GRIK4: variants seen among roughly 807,000 people sequenced by gnomAD.
The protein encoded by GRIK4 is glutamate receptor ionotropic, kainate 4.
A neutral mutation model predicts 104.9 loss-of-function variants in GRIK4; 40 were observed. That is an observed-to-expected ratio of 0.38 (90% confidence interval 0.30 to 0.50). GRIK4 has a LOEUF of 0.50. Among genes scored for constraint, GRIK4 ranks in the 20% least tolerant of loss-of-function variants. The pLI is 0.93. For missense variants in GRIK4, 1,047 were observed against 1,308.1 expected (o/e 0.80, Z 3.08); for synonymous variants, 485 against 524.9 (o/e 0.92, Z 1.04).
Position 120,518,692 on chromosome 11 carries a change from T to C in GRIK4, c.-159+6805T>C, listed in dbSNP as rs561324739. On this transcript the variant is annotated intron_variant, in intron 1 of 20. Coordinates refer to ENST00000527524, the MANE Select transcript of GRIK4 (RefSeq NM_014619.5). ...GAGTGCAATGTGCGCGACCTTGGCT[T>C]ACTGCAACCTCCGCCTCCCAGGTTC... 4.5e-4 allele frequency among the ~76,000 whole-genome samples: 68 copies of C among 152,146 alleles called. 1 individual carries two copies. The highest frequency in any genetic ancestry group is 2.4e-4 in the Non-Finnish European group (16 of 68,034).
intron 3 of GRIK4, among the ~76,000 whole-genome samples, chr11:120,723,841 A>G (rs1950976762): frequency 6.6e-6 from 1 of 152,092 alleles, no homozygotes; most frequent in Admixed American, 6.5e-5. Flanking sequence ...CATATAGTGA[A>G]ATTCACTTTT....
chr11:120,898,576 C>T lies in GRIK4; in HGVS notation c.1209C>T (p.His403=), dbSNP rs2134480477. Reference sequence around the variant, plus strand: ...CAGAGGGCCTCAGCATGGACAGCCACCTCTATGCCTCCAACATCTCGGACA... The same window carrying T: ...CAGAGGGCCTCAGCATGGACAGCCATCTCTATGCCTCCAACATCTCGGACA... ...HVAEGLSMDS[H]LYASNISDTL... Residue 403 remains histidine (H), a synonymous_variant, in exon 12 of 21, where the codon CAC becomes CAT. Transcript: ENST00000527524. 1.9e-6 allele frequency: 3 copies of T among 1,613,134 alleles called. No individual in the cohort carries two copies. The highest frequency in any genetic ancestry group is 2.5e-6 in the Non-Finnish European group (3 of 1,179,060).
chr11:120,626,164 G>A (rs1157326726), intron 1 of GRIK4, among the ~76,000 whole-genome samples: 1 of 152,172 alleles, frequency 6.6e-6, no homozygotes, highest in African/African-American at 2.4e-5. Context: ...AAAATATTAT[G>A]TACATGTATC....
chr11:120,535,495 G>T (rs1947965417), intron 1 of GRIK4, among the ~76,000 whole-genome samples: 1 of 152,080 alleles, frequency 6.6e-6, no homozygotes, highest in African/African-American at 2.4e-5. Flanking sequence ...AGGGCAGGGA[G>T]GTGACACTGT....
At chr11:120,944,775 G>T (rs138339821) in intron 14 of GRIK4, among the ~76,000 whole-genome samples, 1 of 152,314 alleles carries the variant, frequency 6.6e-6, no homozygotes, top group Admixed American at 6.5e-5. Context: ...GACCCAGACT[G>T]TCTGGGTTTA....
At chr11:120,684,997 A>G (rs1179868030) in intron 3 of GRIK4, among the ~76,000 whole-genome samples, 1 of 152,194 alleles carries the variant, frequency 6.6e-6, no homozygotes, top group African/African-American at 2.4e-5. Context: ...ACACCTGGCC[A>G]TAAAGGTGCT....
At chr11:120,898,068 C>T (rs1942634081) in intron 11 of GRIK4, among the ~76,000 whole-genome samples, 1 of 152,202 alleles carries the variant, frequency 6.6e-6, no homozygotes, top group Non-Finnish European at 1.5e-5. Flanking sequence ...TTCATTCATT[C>T]ATTCTTTCAG....
intron 6 of GRIK4, among the ~76,000 whole-genome samples, chr11:120,824,259 G>T (rs1404561031): frequency 6.6e-6 from 1 of 152,172 alleles, no homozygotes; most frequent in South Asian, 2.1e-4. Flanking sequence ...ATTTGCAAGT[G>T]CCTGTTTCTG....
At chr11:120,780,214 G>A (rs1952125679) in intron 3 of GRIK4, among the ~76,000 whole-genome samples, 1 of 152,310 alleles carries the variant, frequency 6.6e-6, no homozygotes, top group East Asian at 1.9e-4. Context: ...GTACAGGTCA[G>A]TAGTGTTAAC....
chr11:120,523,595 C>G (rs113583000), intron 1 of GRIK4, among the ~76,000 whole-genome samples: 7 of 152,296 alleles, frequency 4.6e-5, no homozygotes, highest in African/African-American at 1.4e-4. Context: ...CTTATTAGTC[C>G]CATTGGACAA....
At chr11:120,682,497 A>G (rs1950210402) in intron 3 of GRIK4, among the ~76,000 whole-genome samples, 1 of 151,842 alleles carries the variant, frequency 6.6e-6, no homozygotes, top group Admixed American at 6.6e-5. Context: ...ACACTGGCCT[A>G]GTATCAGTTT....
chr11:120,654,811 G>T (rs182355590), intron 2 of GRIK4, among the ~76,000 whole-genome samples: 47 of 152,256 alleles, frequency 3.1e-4, no homozygotes, highest in Middle Eastern at 3.4e-3. Flanking sequence ...TTTGCCCAAG[G>T]TGTGCAGCTA....
intron 1 of GRIK4, among the ~76,000 whole-genome samples, chr11:120,588,152 G>C (rs1015235274): frequency 4.6e-5 from 7 of 152,196 alleles, no homozygotes; most frequent in African/African-American, 1.7e-4. Flanking sequence ...ACCTGTCTCT[G>C]CTGGTGTGTG....
rs1174536783 is a variant in GRIK4, at chr11:120,795,045, C to T, written c.83-7648C>T. On this transcript the variant is annotated intron_variant, in intron 3 of 20. Coordinates refer to ENST00000527524, the MANE Select transcript of GRIK4 (RefSeq NM_014619.5). The stretch of plus-strand genomic sequence containing the variant: ...GGTCAGCTGGGGAGCAGAGCTAACG[C>T]ACTCCCCAAGGTGCAAACTGTCACT... Among the ~76,000 whole-genome samples the T allele has an allele frequency of 2.0e-5, 3 of 152,072 alleles. No homozygotes were observed. The East Asian group carries it at 5.8e-4, about 29-fold the overall frequency.
chr11:120,809,205 G>T (rs1443678700), intron 4 of GRIK4, among the ~76,000 whole-genome samples: 1 of 152,204 alleles, frequency 6.6e-6, no homozygotes, highest in African/African-American at 2.4e-5. Context: ...CTTCTAAGGG[G>T]TCTCCAATCC....
chr11:120,622,706 G>A (rs957624270), intron 1 of GRIK4, among the ~76,000 whole-genome samples: 1 of 152,198 alleles, frequency 6.6e-6, no homozygotes, highest in African/African-American at 2.4e-5. Context: ...CCAGAAGTCT[G>A]CAATCAAGTT....
In GRIK4 at chr11:120,513,366, C is replaced by T. The variant is rs1947685157; in HGVS notation, c.-159+1479C>T. On this transcript the variant is annotated intron_variant, in intron 1 of 20. Transcript: ENST00000527524. This position sits in a 1 kb window ranked among gnomAD's most constrained non-coding sequence, Gnocchi z 4.5. ...GTAGTGGGCATCTGAGAGACAAATC[C>T]GGTCCTGCCTGACTCCCTGACTGTC... is the stretch of plus-strand genomic sequence containing the variant. Among the ~76,000 whole-genome samples the T allele has an allele frequency of 6.6e-6, 1 of 152,050 alleles. No homozygotes were observed. Among genetic ancestry groups the T allele is most frequent in the African/African-American group, 2.4e-5 (1 of 41,404 alleles).
chr11:120,951,070 C>T (rs996552503), intron 14 of GRIK4, among the ~76,000 whole-genome samples: 1 of 152,182 alleles, frequency 6.6e-6, no homozygotes, highest in Admixed American at 6.5e-5. Context: ...TCAGATAGAT[C>T]ACGTGAGAGG....
intron 13 of GRIK4, among the ~76,000 whole-genome samples, chr11:120,934,338 G>A (rs544044399): frequency 2.8e-4 from 42 of 152,058 alleles, no homozygotes; most frequent in Admixed American, 1.4e-3. Context: ...AGAAGGCTTT[G>A]CTGTCTTCGG....
Sources: gnomAD v4.1 joint callset for allele counts (sites outside exome capture counted in the v4.1 genomes callset) on GRCh38, gnomAD v4.1.1 for gene constraint, Gnocchi (gnomAD v3.1) non-coding constraint, MANE v1.5 for transcripts, NCBI Gene and HGNC (gene_info 2026-07-23, HGNC 2026-07-21) for gene names.